USH1C: variants seen among roughly 807,000 people sequenced by gnomAD.
USH1C encodes the protein USH1 protein network component harmonin, also known as harmonin.
In USH1C, 90 loss-of-function variants were observed where a neutral mutation model predicts 119.3. That is an observed-to-expected ratio of 0.75 (90% CI 0.64 to 0.90). The LOEUF (loss-of-function observed/expected upper bound fraction) is 0.90. Among genes scored for constraint, USH1C ranks in the 40% least tolerant of loss-of-function variants. USH1C has a pLI of 0.00. For missense variants in USH1C, 1,165 were observed against 1,167.7 expected (o/e 1.00, Z 0.03); for synonymous variants, 465 against 443.3 (o/e 1.05, Z -0.62).
At chr11:17,544,183 G>C (rs1177399525) in intron 1 of USH1C, 89 bp downstream of exon 1, 6 of 1,564,250 alleles carry the variant, frequency 3.8e-6, no homozygotes, top group Non-Finnish European at 5.3e-6. Flanking sequence ...GGCCGGAAAA[G>C]GGAGGGGCAG....
intron 1 of USH1C, among the ~76,000 whole-genome samples, chr11:17,541,711 G>A (rs144615428): frequency 3.3e-5 from 5 of 152,316 alleles, no homozygotes; most frequent in Non-Finnish European, 5.9e-5. Flanking sequence ...TGCTCCTGGC[G>A]GCCTTGGGGT....
At position 17,510,395 on chromosome 11, in the gene USH1C, GCT is replaced by G; in HGVS notation, c.1530+8_1530+9del. 1.2e-6 allele frequency: 2 copies of G among 1,605,210 alleles called. No homozygotes were observed. Among genetic ancestry groups the G allele is most frequent in the Non-Finnish European group, 1.7e-6 (2 of 1,173,848 alleles). On this transcript the variant is annotated splice_region_variant and intron_variant, in intron 17 of 26. Coordinates refer to ENST00000005226, the MANE Select transcript of USH1C (RefSeq NM_153676.4). ...CAGGAGGGTCTATGTGGAAAGAAGG[GCT>G]CTGTTACCTCTGAAATCTCATTATC...
chr11:17,533,369 C>CCCA lies in USH1C; in HGVS notation c.37-48_37-47insTGG, dbSNP rs1554963816. 3.8e-5 allele frequency: 52 copies of CCCA among 1,380,816 alleles called. No homozygotes were observed. In the African/African-American group the frequency reaches 7.6e-4, roughly 20 times the overall value. 85.5% of individuals were successfully genotyped at this position (1,380,816 alleles called of 1,614,324 possible). On this transcript the variant is annotated intron_variant, in intron 1 of 26. Coordinates refer to ENST00000005226, the MANE Select transcript of USH1C (RefSeq NM_153676.4). The stretch of plus-strand genomic sequence containing the variant: ...TCACAGCTCCAGGCTCAGCACCCGC[C>CCCA]CCCATAGCAGACCTCAGGGAGGAGA...
chr11:17,526,580 A>C, intron 7 of USH1C, 139 bp from the exon 8 acceptor site: 1 of 1,126,888 alleles, frequency 8.9e-7, no homozygotes, highest in Non-Finnish European at 1.3e-6. Context: ...ATGTGTCTGC[A>C]CCAGCTGGGC....
At chr11:17,520,621 G>T (rs1348998476) in intron 14 of USH1C, among the ~76,000 whole-genome samples, 1 of 152,116 alleles carries the variant, frequency 6.6e-6, no homozygotes, top group African/African-American at 2.4e-5. Context: ...CTGACAGCCT[G>T]CCCATGTCAG....
In USH1C at chr11:17,524,441, C is replaced by T. The variant is rs368528034; in HGVS notation, c.759+10G>A. On this transcript the variant is annotated intron_variant, in intron 9 of 26. Coordinates refer to ENST00000005226, the MANE Select transcript of USH1C (RefSeq NM_153676.4). ...TGGGCCCCCACTGGGGCCGGCCCAGCGTCACTCACCTCCAATCCCACCTCA... is the reference window on the plus strand; with the variant it reads ...TGGGCCCCCACTGGGGCCGGCCCAGTGTCACTCACCTCCAATCCCACCTCA... 2.1e-5 allele frequency: 33 copies of T among 1,567,126 alleles called. No individual in the cohort carries two copies. Among genetic ancestry groups the T allele is most frequent in the Non-Finnish European group, 2.8e-5 (32 of 1,154,706 alleles).
At chr11:17,499,720 G>T (rs1591959056) in intron 23 of USH1C, among the ~76,000 whole-genome samples, 1 of 152,226 alleles carries the variant, frequency 6.6e-6, no homozygotes, top group Non-Finnish European at 1.5e-5. Flanking sequence ...AGTCACCAAG[G>T]TCATGGGTGC....
intron 22 of USH1C, 144 bp from the exon 23 acceptor site, chr11:17,501,294 C>A (rs578103148): frequency 1.9e-6 from 2 of 1,038,850 alleles, no homozygotes; most frequent in East Asian, 5.2e-5. Flanking sequence ...GAAAACGCAG[C>A]CTTGGTGCCA....
intron 14 of USH1C, chr11:17,517,384 A>C: frequency 6.4e-7 from 1 of 1,569,794 alleles, no homozygotes; most frequent in South Asian, 1.2e-5. Flanking sequence ...GCCAGGGAGC[A>C]AAGCGGGGAC....
At position 17,531,215 on chromosome 11, in the gene USH1C, C is replaced by T. The variant is rs1320230679; in HGVS notation, c.326G>A (p.Gly109Asp). The change falls in exon 4 of 27, where the codon GGC (glycine) becomes GAC (aspartate). Residue 109 changes from glycine (G) to aspartate (D), a missense_variant. Coordinates refer to ENST00000005226, the MANE Select transcript of USH1C (RefSeq NM_153676.4). The surrounding 1 kb of genome is among the most constrained non-coding windows in gnomAD (Gnocchi z 4.2). ...GLSVRGGLEF[G>D]CGLFISHLIK... ...GAGGTGGGAGATGAAGAGCCCACAG[C>T]CAAACTCCAGGCCACCACGCACACT... 1.2e-6 allele frequency: 2 copies of T among 1,614,030 alleles called. No homozygotes were observed. Among genetic ancestry groups the T allele is most frequent in the Admixed American group, 3.3e-5 (2 of 60,002 alleles).
intron 24 of USH1C, among the ~76,000 whole-genome samples, chr11:17,497,616 T>C (rs1849291106): frequency 6.6e-6 from 1 of 152,228 alleles, no homozygotes; most frequent in Non-Finnish European, 1.5e-5. Context: ...CTCGGCTGCC[T>C]GCATACAGTT....
intron 1 of USH1C, among the ~76,000 whole-genome samples, chr11:17,542,692 G>T (rs1027837534): frequency 2.6e-5 from 4 of 152,190 alleles, no homozygotes; most frequent in Admixed American, 2.0e-4. Context: ...GTTATTTCAG[G>T]CCAGGGGCAG....
intron 20 of USH1C, among the ~76,000 whole-genome samples, chr11:17,502,528 C>A (rs1450993754): frequency 6.6e-6 from 1 of 152,224 alleles, no homozygotes; most frequent in African/African-American, 2.4e-5. Flanking sequence ...TGTTGAGAAG[C>A]AGTGTTGGCC....
In USH1C at chr11:17,503,970, G is replaced by T. The variant is rs751796202; in HGVS notation, c.2184+677C>A. 8.5e-5 allele frequency among the ~76,000 whole-genome samples: 13 copies of T among 152,310 alleles called. No homozygotes were observed. The South Asian group carries it at 1.9e-3, about 22-fold the overall frequency. Reference sequence around the variant, plus strand: ...TGTGGTCTGTTGGTGGGTTATCAGTGAGGAGGCTGGAGAAGCCTGGGCTGG... The same window carrying T: ...TGTGGTCTGTTGGTGGGTTATCAGTTAGGAGGCTGGAGAAGCCTGGGCTGG... On this transcript the variant is annotated intron_variant, in intron 20 of 26. Coordinates refer to ENST00000005226, the MANE Select transcript of USH1C (RefSeq NM_153676.4).
At chr11:17,507,071 T>C (rs1214487286) in intron 18 of USH1C, among the ~76,000 whole-genome samples, 2 of 152,216 alleles carry the variant, frequency 1.3e-5, no homozygotes, top group Admixed American at 1.3e-4. Flanking sequence ...GGCACAAGTG[T>C]CAAGCCAACA....
intron 1 of USH1C, among the ~76,000 whole-genome samples, chr11:17,543,222 G>C (rs547203052): frequency 7.9e-4 from 121 of 152,386 alleles, no homozygotes; most frequent in Non-Finnish European, 1.4e-3. Flanking sequence ...CTCTTTATGG[G>C]AAGGAAGGAG....
chr11:17,503,814 T>TA (rs1380472075), intron 20 of USH1C, among the ~76,000 whole-genome samples: 1 of 152,230 alleles, frequency 6.6e-6, no homozygotes, highest in Non-Finnish European at 1.5e-5. Context: ...TAATAGCACT[T>TA]ACCACCCAGG....
At chr11:17,521,275 C>T in intron 13 of USH1C, 71 bp downstream of exon 13, 1 of 1,539,716 alleles carries the variant, frequency 6.5e-7, no homozygotes, top group Non-Finnish European at 9.0e-7. Context: ...TGGAGGCAGC[C>T]TCTGGTTGGC....
In USH1C at chr11:17,531,109, G is replaced by A. The variant is rs776868265; in HGVS notation, c.387+45C>T. 6.2e-6 allele frequency: 10 copies of A among 1,612,562 alleles called. No homozygotes were observed. The African/African-American group carries it at 1.2e-4, about 19-fold the overall frequency. ...GTGGATGAATGAGGGGGAGGCAGGA[G>A]GTCCGAGGCCCTCGCTCCCCCTCCC... On this transcript the variant is annotated intron_variant, in intron 4 of 26. Transcript: ENST00000005226. This position sits in a 1 kb window ranked among gnomAD's most constrained non-coding sequence, Gnocchi z 4.2.
Sources: allele counts gnomAD v4.1 joint callset (sites outside exome capture counted in the v4.1 genomes callset), GRCh38; gene constraint gnomAD v4.1.1; non-coding constraint Gnocchi (gnomAD v3.1); transcripts MANE v1.5; gene names NCBI Gene and HGNC (gene_info 2026-07-23, HGNC 2026-07-21).